CENPW: variants seen among roughly 807,000 people sequenced by gnomAD.
CENPW encodes the protein centromere protein W, also known as cancer-up-regulated gene 2 protein.
Under a neutral mutation model 11.1 loss-of-function variants are expected in CENPW, and 3 were observed. The ratio of observed to expected loss-of-function variants is 0.27; its 90% CI spans 0.12 to 0.70. The LOEUF (loss-of-function observed/expected upper bound fraction) is 0.70. Ranked by LOEUF, CENPW falls within the 30% of genes least tolerant of loss-of-function variation. The pLI, the probability that CENPW is intolerant of heterozygous loss-of-function variation, is 0.77. For missense variants in CENPW, 100 were observed against 105.6 expected (o/e 0.95, Z 0.23); for synonymous variants, 38 against 42.0 (o/e 0.91, Z 0.37).
the CENPW span, among the ~76,000 whole-genome samples, chr6:126,416,460 A>G: frequency 6.6e-6 from 1 of 152,198 alleles, no homozygotes; most frequent in Non-Finnish European, 1.5e-5. Flanking sequence ...CCAAATGTGA[A>G]TTCTCAAGAC....
At chr6:126,403,123 T>A in the CENPW span, among the ~76,000 whole-genome samples, 1 of 152,100 alleles carries the variant, frequency 6.6e-6, no homozygotes, top group Non-Finnish European at 1.5e-5. Context: ...AATAAATACG[T>A]TTTGACTGCT....
chr6:126,438,321 A>C, the CENPW span, among the ~76,000 whole-genome samples: 1 of 151,896 alleles, frequency 6.6e-6, no homozygotes, highest in East Asian at 1.9e-4. Context: ...AACCTTAAAT[A>C]AAAATGTAGC....
At chr6:126,387,854 T>C in the CENPW span, among the ~76,000 whole-genome samples, 1 of 151,958 alleles carries the variant, frequency 6.6e-6, no homozygotes, top group East Asian at 1.9e-4. Flanking sequence ...GCCAACTGCA[T>C]GTGGTTTTCC....
chr6:126,434,134 T>A, the CENPW span, among the ~76,000 whole-genome samples: 1 of 152,168 alleles, frequency 6.6e-6, no homozygotes, highest in African/African-American at 2.4e-5. Flanking sequence ...TGTTCCCATA[T>A]GTGTTCCAGG....
the CENPW span, among the ~76,000 whole-genome samples, chr6:126,371,218 G>A: frequency 2.0e-5 from 3 of 152,180 alleles, no homozygotes; most frequent in Admixed American, 2.0e-4. Context: ...TATGCTGGCT[G>A]TGGGTTTGTC....
At chr6:126,442,903 T>C in the CENPW span, among the ~76,000 whole-genome samples, 2 of 151,262 alleles carry the variant, frequency 1.3e-5, no homozygotes, top group African/African-American at 4.8e-5. Context: ...GACATACTTT[T>C]TTTTAGCATT....
At chr6:126,413,278 A>C in the CENPW span, among the ~76,000 whole-genome samples, 3 of 152,188 alleles carry the variant, frequency 2.0e-5, no homozygotes, top group African/African-American at 7.2e-5. Flanking sequence ...TTAAAGGCAC[A>C]AAATAGTCAA....
At chr6:126,438,647 T>C in the CENPW span, among the ~76,000 whole-genome samples, 1 of 151,668 alleles carries the variant, frequency 6.6e-6, no homozygotes, top group Admixed American at 6.6e-5. Context: ...TAAAGGGATC[T>C]TGTCACCCTC....
At chr6:126,456,005 G>T in the CENPW span, among the ~76,000 whole-genome samples, 1 of 150,834 alleles carries the variant, frequency 6.6e-6, no homozygotes, top group East Asian at 1.9e-4. Context: ...TCTAACGAGG[G>T]GGGGCAAAAG....
In CENPW at chr6:126,340,291, A is replaced by AG; in HGVS notation, c.19dup (p.Val7GlyfsTer34). 1.2e-6 allele frequency: 2 copies of AG among 1,613,780 alleles called. No homozygotes were observed. The highest frequency in any genetic ancestry group is 3.3e-5 in the Admixed American group (2 of 60,012). ...CAGAGAGGATGGCGCTGTCGACCAT[A>AG]GTCTCCCAGAGGAAGCAGATAAAGC... On this transcript the variant is annotated frameshift_variant, in exon 1 of 3. Transcript: ENST00000368328. LOFTEE classifies it high-confidence loss of function.
At chr6:126,396,575 GACTAAGTCATCTTT>G in the CENPW span, among the ~76,000 whole-genome samples, 1 of 152,116 alleles carries the variant, frequency 6.6e-6, no homozygotes, top group Non-Finnish European at 1.5e-5. Context: ...TATGGTGCAA[GACTAAGTCATCTTT>G]ACCTTTCTCT....
chr6:126,377,251 C>A, the CENPW span, among the ~76,000 whole-genome samples: 2 of 152,048 alleles, frequency 1.3e-5, no homozygotes, highest in African/African-American at 2.4e-5. Context: ...AGGATGTATT[C>A]TTTTATGGAA....
the CENPW span, among the ~76,000 whole-genome samples, chr6:126,366,386 A>G: frequency 1.3e-5 from 2 of 152,168 alleles, no homozygotes; most frequent in African/African-American, 4.8e-5. Context: ...TGTAAGTTAA[A>G]CCATTGAAGT....
the CENPW span, among the ~76,000 whole-genome samples, chr6:126,472,307 TTC>T: frequency 1.3e-5 from 2 of 152,198 alleles, no homozygotes; most frequent in East Asian, 3.8e-4. Context: ...CTGTTTGGAA[TTC>T]TCTCTGCTCT....
At chr6:126,361,452 C>A in the CENPW span, among the ~76,000 whole-genome samples, 1 of 152,082 alleles carries the variant, frequency 6.6e-6, no homozygotes, top group Non-Finnish European at 1.5e-5. Flanking sequence ...CCGGCTACCA[C>A]GCCTGGCTCA....
At chr6:126,381,115 A>G in the CENPW span, among the ~76,000 whole-genome samples, 12 of 152,118 alleles carry the variant, frequency 7.9e-5, no homozygotes, top group East Asian at 5.8e-4. Flanking sequence ...CCTTACCCCA[A>G]TTCTCCTCCA....
the CENPW span, among the ~76,000 whole-genome samples, chr6:126,454,698 T>G: frequency 6.6e-6 from 1 of 150,628 alleles, no homozygotes; most frequent in Non-Finnish European, 1.5e-5. Flanking sequence ...CCAAACCTAG[T>G]AGAAGAAAAG....
the CENPW span, among the ~76,000 whole-genome samples, chr6:126,426,573 A>G: frequency 6.6e-6 from 1 of 152,322 alleles, no homozygotes; most frequent in East Asian, 1.9e-4. Flanking sequence ...ATAGTCAGAA[A>G]TAGCTCACAC....
the CENPW span, among the ~76,000 whole-genome samples, chr6:126,450,317 T>C: frequency 6.6e-6 from 1 of 151,084 alleles, no homozygotes; most frequent in Non-Finnish European, 1.5e-5. Context: ...GGGGTAAAGC[T>C]CCTGAAGTCA....
Sources: gnomAD v4.1 joint callset for allele counts (sites outside exome capture counted in the v4.1 genomes callset) on GRCh38, gnomAD v4.1.1 for gene constraint, MANE v1.5 for transcripts, NCBI Gene and HGNC (gene_info 2026-07-23, HGNC 2026-07-21) for gene names.